The following GPATCH2L variants were observed in gnomAD, a reference collection of about 807,000 sequenced individuals.
The protein encoded by GPATCH2L is G-patch domain containing 2 like.
In GPATCH2L, 31 loss-of-function variants were observed where a neutral mutation model predicts 57.4. That is an observed-to-expected ratio of 0.54 (90% CI 0.41 to 0.73). The LOEUF is 0.73. Among genes scored for constraint, GPATCH2L ranks in the 30% least tolerant of loss-of-function variants. GPATCH2L has a pLI of 0.00. For missense variants in GPATCH2L, 481 were observed against 599.9 expected (o/e 0.80, Z 2.07); for synonymous variants, 199 against 210.7 (o/e 0.94, Z 0.48).
Position 76,213,602 on chromosome 14 carries a change from G to A in GPATCH2L, c.*11751G>A, listed in dbSNP as rs1164747144. The A allele has an allele frequency of 6.6e-6, 1 of 152,170 alleles. No homozygotes were observed. The highest frequency in any genetic ancestry group is 2.4e-5 in the African/African-American group (1 of 41,458). 9.4% of individuals were successfully genotyped at this position (152,170 alleles called of 1,614,324 possible). ...AGTGAGGCCAGCTCAGGGAATGTGAGCAGTGGCGATTTATTCCCTCTGGTG... is the reference window on the plus strand; with the variant it reads ...AGTGAGGCCAGCTCAGGGAATGTGAACAGTGGCGATTTATTCCCTCTGGTG... On this transcript the variant is annotated 3_prime_UTR_variant, in exon 10 of 10. Coordinates refer to ENST00000261530, the MANE Select transcript of GPATCH2L (RefSeq NM_017926.4).
At chr14:76,168,415 T>C (rs2038940086) in intron 3 of GPATCH2L, among the ~76,000 whole-genome samples, 2 of 152,238 alleles carry the variant, frequency 1.3e-5, no homozygotes, top group Admixed American at 6.5e-5. Context: ...CCCCAAATTT[T>C]AGTGGCTTCT....
At chr14:76,218,286 T>C (rs1297644484), downstream of GPATCH2L, among the ~76,000 whole-genome samples, 2 of 152,126 alleles carry the variant, frequency 1.3e-5, no homozygotes, top group African/African-American at 4.8e-5. Flanking sequence ...TTTAAGATGA[T>C]ACTGAGTTTT....
intron 1 of GPATCH2L, among the ~76,000 whole-genome samples, chr14:76,224,611 C>G (rs1352930673): frequency 2.0e-5 from 3 of 152,036 alleles, no homozygotes; most frequent in Admixed American, 1.3e-4. Context: ...ATATTAAAAG[C>G]TTTCACCTTG....
intron 8 of GPATCH2L, among the ~76,000 whole-genome samples, chr14:76,185,611 C>T (rs547833518): frequency 1.3e-5 from 2 of 151,976 alleles, no homozygotes; most frequent in Non-Finnish European, 2.9e-5. Context: ...TTTTAGTGAC[C>T]TTTCCTTTAT....
rs1464645735 is a variant in GPATCH2L at position 76,212,750 on chromosome 14, T to C, written c.*10899T>C. ...TATTAGAGCGTACAGAAAACATAAG[T>C]TTCAGAACGGAAAAAAGGAACAACA... On this transcript the variant is annotated 3_prime_UTR_variant, in exon 10 of 10. Transcript: ENST00000261530. The C allele has an allele frequency of 1.3e-5, 2 of 151,934 alleles. No individual in the cohort carries two copies. Among genetic ancestry groups the C allele is most frequent in the African/African-American group, 2.4e-5 (1 of 41,336 alleles). 9.4% of individuals were successfully genotyped at this position (151,934 alleles called of 1,614,324 possible). A position where few individuals can be genotyped will look rare whatever the true frequency, so the allele number is the denominator to read the frequency against.
chr14:76,173,861 C>T (rs1367958009), intron 5 of GPATCH2L: 1 of 524,452 alleles, frequency 1.9e-6, no homozygotes, highest in East Asian at 2.8e-5. Flanking sequence ...ACTGTCATTA[C>T]AGTGTCTATT....
At chr14:76,229,692 C>T (rs2040551967) in intron 1 of GPATCH2L, 1 of 152,222 alleles carries the variant, frequency 6.6e-6, no homozygotes, top group Non-Finnish European at 1.5e-5. Context: ...CCTCCACTCT[C>T]ATGTCATGAG....
chr14:76,152,925 G>T, intron 1 of GPATCH2L: 1 of 349,588 alleles, frequency 2.9e-6, no homozygotes, highest in South Asian at 2.2e-5. Flanking sequence ...CCTCAATCAT[G>T]GCATTTTAAT....
Position 76,213,574 on chromosome 14 carries a change from T to A in GPATCH2L, c.*11723T>A, listed in dbSNP as rs1243741850. ...CAAGCAAAAGCTCACCAGCCAGAGA[T>A]AAAGTGAGGCCAGCTCAGGGAATGT... On this transcript the variant is annotated 3_prime_UTR_variant, in exon 10 of 10. Transcript: ENST00000261530. 6.6e-6 allele frequency: 1 copy of A among 152,148 alleles called. No individual in the cohort carries two copies. Among genetic ancestry groups the A allele is most frequent in the Non-Finnish European group, 1.5e-5 (1 of 68,030 alleles). The allele number at this position is 152,148 out of a possible 1,614,324, so 9.4% of individuals were successfully genotyped here.
At chr14:76,233,046 A>C (rs556974535) in intron 2 of GPATCH2L, among the ~76,000 whole-genome samples, 1 of 152,374 alleles carries the variant, frequency 6.6e-6, no homozygotes, top group Non-Finnish European at 1.5e-5. Flanking sequence ...ACCTTCCTGC[A>C]GCAGAGTACA....
At chr14:76,231,380 TC>T (rs1479567770) in intron 2 of GPATCH2L, among the ~76,000 whole-genome samples, 1 of 152,124 alleles carries the variant, frequency 6.6e-6, no homozygotes, top group Non-Finnish European at 1.5e-5. Context: ...TCTCTGTAGG[TC>T]CTCACTTTGT....
chr14:76,170,056 A>G (rs1406317959), intron 3 of GPATCH2L, among the ~76,000 whole-genome samples: 1 of 152,230 alleles, frequency 6.6e-6, no homozygotes, highest in Admixed American at 6.5e-5. Context: ...GTTGAGAACT[A>G]CTGTAAGAGA....
At chr14:76,182,421 A>AT (rs11389447) in intron 8 of GPATCH2L, among the ~76,000 whole-genome samples, 73,137 of 133,984 alleles carry the variant, frequency 0.55, 22,480 homozygotes, top group South Asian at 0.77. Flanking sequence ...TTTCTACAAA[A>AT]TTTTTTTTTT....
chr14:76,172,089 C>A, intron 4 of GPATCH2L, 70 bp downstream of exon 4: 1 of 930,556 alleles, frequency 1.1e-6, no homozygotes, highest in Non-Finnish European at 1.6e-6. Context: ...CACCCCCTAG[C>A]AAGCATACTC....
intron 2 of GPATCH2L, among the ~76,000 whole-genome samples, chr14:76,155,361 AGGTCTCAGCAGAGGCT>A (rs1176677586): frequency 6.6e-6 from 1 of 152,250 alleles, no homozygotes; most frequent in Non-Finnish European, 1.5e-5. Context: ...TTTAGAACTC[AGGTCTCAGCAGAGGCT>A]GGTGTGTGTG....
chr14:76,172,047 AT>A, intron 4 of GPATCH2L, 28 bp downstream of exon 4: 1 of 1,478,572 alleles, frequency 6.8e-7, no homozygotes, highest in Non-Finnish European at 9.2e-7. Flanking sequence ...CAAGAACTTA[AT>A]GCTTTTATGG....
At chr14:76,167,375 G>C (rs962427313) in intron 3 of GPATCH2L, among the ~76,000 whole-genome samples, 1 of 152,106 alleles carries the variant, frequency 6.6e-6, no homozygotes, top group Non-Finnish European at 1.5e-5. Flanking sequence ...ATTTTATGTA[G>C]CCTTTTTGGA....
rs1300009392 is a variant in GPATCH2L, at chr14:76,176,259, G to T, written c.985-364G>T. 3 of 173,612 alleles carry T rather than the reference G, an allele frequency of 1.7e-5. No individual in the cohort carries two copies. The East Asian group carries it at 4.8e-4, about 28-fold the overall frequency. 10.8% of individuals were successfully genotyped at this position (173,612 alleles called of 1,614,324 possible). Reference sequence around the variant, plus strand: ...CACGTAGCTCTCTAGGAAGCTTGGTGTGTTGGCCTGTTAAAAATTGGCTAC... The same window carrying T: ...CACGTAGCTCTCTAGGAAGCTTGGTTTGTTGGCCTGTTAAAAATTGGCTAC... On this transcript the variant is annotated intron_variant, in intron 5 of 9. Transcript: ENST00000261530.
chr14:76,188,000 T>G (rs1196135799), intron 8 of GPATCH2L, among the ~76,000 whole-genome samples: 1 of 152,168 alleles, frequency 6.6e-6, no homozygotes, highest in Non-Finnish European at 1.5e-5. Flanking sequence ...CTATCTTACT[T>G]AATATAATTA....
Sources: gnomAD v4.1 joint callset for allele counts (sites outside exome capture counted in the v4.1 genomes callset) on GRCh38, gnomAD v4.1.1 for gene constraint, MANE v1.5 for transcripts, NCBI Gene and HGNC (gene_info 2026-07-23, HGNC 2026-07-21) for gene names.